NPRL3: variants seen among roughly 807,000 people sequenced by gnomAD.
NPRL3 encodes NPR3 like, GATOR1 complex subunit.
A neutral mutation model predicts 57.2 loss-of-function variants in NPRL3; 23 were observed. The ratio of observed to expected loss-of-function variants is 0.40; its 90% CI spans 0.29 to 0.57. The LOEUF (loss-of-function observed/expected upper bound fraction) is 0.57, where lower values mean the gene tolerates loss of function less well. NPRL3 is among the 20% of genes least tolerant of loss of function. NPRL3 has a pLI of 0.42. For synonymous variants in NPRL3, 333 were observed against 321.1 expected (o/e 1.04, Z -0.39); for missense variants, 691 against 767.1 (o/e 0.90, Z 1.17).
In NPRL3 at chr16:86,056, G is replaced by A. The variant is rs775038665; in HGVS notation, c.*649C>T. 6 of 341,666 alleles carry A rather than the reference G, an allele frequency of 1.8e-5. No homozygotes were observed. Among genetic ancestry groups the A allele is most frequent in the Non-Finnish European group, 3.1e-5 (6 of 190,874 alleles). The allele number at this position is 341,666 out of a possible 1,614,324, so 21.2% of individuals were successfully genotyped here. ...ACCAGCAAGATGTGCACAGGTGACA[G>A]GGCTTCTCCAGCCTAGCAGGGCCAG... On this transcript the variant is annotated 3_prime_UTR_variant, in exon 14 of 14. Transcript: ENST00000611875.
intron 7 of NPRL3, among the ~76,000 whole-genome samples, chr16:105,441 A>G (rs1427231819): frequency 6.6e-6 from 1 of 152,178 alleles, no homozygotes; most frequent in Non-Finnish European, 1.5e-5. Context: ...GTGGGTTCCA[A>G]ACAGCCTACC....
At position 137,619 on chromosome 16, in the gene NPRL3, G is replaced by A. The variant is rs568505620; in HGVS notation, c.118+531C>T. On this transcript the variant is annotated intron_variant, in intron 2 of 13. Coordinates refer to ENST00000611875, the MANE Select transcript of NPRL3 (RefSeq NM_001077350.3). ...GGCTGGAATCCAGTGGCGCGATCTC[G>A]GTTCACTGAAACCTCCGCCTCCCGG... Among the ~76,000 whole-genome samples the A allele has an allele frequency of 3.7e-3, 560 of 151,498 alleles. 1 individual carries two copies. Among genetic ancestry groups the A allele is most frequent in the Admixed American group, 6.8e-3 (104 of 15,210 alleles).
chr16:101,441 G>A (rs892244361), intron 7 of NPRL3, among the ~76,000 whole-genome samples: 1 of 152,156 alleles, frequency 6.6e-6, no homozygotes, highest in African/African-American at 2.4e-5. Context: ...TCACTACGAC[G>A]GAAAACCTTT....
intron 5 of NPRL3, among the ~76,000 whole-genome samples, chr16:117,090 C>G: frequency 6.6e-6 from 1 of 152,150 alleles, no homozygotes; most frequent in Admixed American, 6.5e-5. Flanking sequence ...CCAGATGCCA[C>G]TGAAGCATAG....
At chr16:105,579 A>G (rs1471402831) in intron 7 of NPRL3, among the ~76,000 whole-genome samples, 5 of 152,198 alleles carry the variant, frequency 3.3e-5, no homozygotes, top group Admixed American at 1.3e-4. Flanking sequence ...AAGGCTCCGC[A>G]CCAAGTACCA....
rs759144182 is a variant in NPRL3, at chr16:86,722, G to C, written c.1693C>G (p.Gln565Glu). The change falls in exon 14 of 14, where the codon CAG becomes GAG. Residue 565 changes from glutamine (Q) to glutamate (E), a missense_variant. Transcript: ENST00000611875. ...GCCTGGGCTCAGGGGAGCAGAGCCT[G>C]GAAGACGGCAATGACAGGGTCCTCG... Reference protein sequence around the residue: ...THEDPVIAVFQALLP With the variant: ...THEDPVIAVFEALLP The C allele has an allele frequency of 1.7e-5, 27 of 1,561,140 alleles. No homozygotes were observed. The South Asian group carries it at 3.2e-4, about 18-fold the overall frequency.
In NPRL3 at chr16:110,518, G is replaced by A. The variant is rs771607158; in HGVS notation, c.629+7C>T. The A allele has an allele frequency of 1.2e-6, 2 of 1,608,770 alleles. No homozygotes were observed. The highest frequency in any genetic ancestry group is 1.7e-5 in the Admixed American group (1 of 59,272). On this transcript the variant is annotated splice_region_variant and intron_variant, in intron 7 of 13. Coordinates refer to ENST00000611875, the MANE Select transcript of NPRL3 (RefSeq NM_001077350.3). ...AGGAGGTTAATAAGCACACCCACCT[G>A]TCTTACCTGTCATAAGCTTCCTTGA...
intron 3 of NPRL3, among the ~76,000 whole-genome samples, chr16:128,498 G>A (rs983647942): frequency 6.6e-6 from 1 of 152,256 alleles, no homozygotes; most frequent in Non-Finnish European, 1.5e-5. Context: ...GCCGGGCGCG[G>A]TGGCTCACGC....
intron 2 of NPRL3, 26 bp from the exon 3 acceptor site, chr16:130,617 G>C: frequency 1.3e-6 from 2 of 1,551,272 alleles, no homozygotes; most frequent in South Asian, 1.2e-5. Context: ...AAGAGGGGAA[G>C]GGCTAAGAAA....
chr16:131,117 C>T lies in NPRL3; in HGVS notation c.119-526G>A, dbSNP rs925047364. ...TAGGAGGCCAAGGTGGGTGGATCAC[C>T]TGAGGTCAGGAGTTCGAAACCAGCC... On this transcript the variant is annotated intron_variant, in intron 2 of 13. Coordinates refer to ENST00000611875, the MANE Select transcript of NPRL3 (RefSeq NM_001077350.3). 1.2e-4 allele frequency among the ~76,000 whole-genome samples: 19 copies of T among 152,322 alleles called. No homozygotes were observed. In the South Asian group the frequency reaches 2.7e-3, roughly 22 times the overall value.
At chr16:93,354 C>G in intron 9 of NPRL3, 29 bp from the exon 10 acceptor site, 1 of 1,457,562 alleles carries the variant, frequency 6.9e-7, no homozygotes, top group South Asian at 1.2e-5. Flanking sequence ...CTGCAAGGAC[C>G]ATGCCTGAGG....
chr16:94,498 C>T (rs1356955913), intron 9 of NPRL3, among the ~76,000 whole-genome samples: 1 of 152,230 alleles, frequency 6.6e-6, no homozygotes, highest in Non-Finnish European at 1.5e-5. Context: ...CCTGTAGTCC[C>T]AGCATTTTGG....
intron 5 of NPRL3, 60 bp from the exon 6 acceptor site, chr16:112,835 G>A: frequency 1.4e-6 from 2 of 1,437,492 alleles, no homozygotes; most frequent in Non-Finnish European, 1.9e-6. Context: ...GCTGGACACA[G>A]TTTAAATGGA....
chr16:87,193 G>A (rs1020022513), intron 13 of NPRL3, among the ~76,000 whole-genome samples: 1 of 152,142 alleles, frequency 6.6e-6, no homozygotes, highest in Non-Finnish European at 1.5e-5. Flanking sequence ...GTGCTACAGT[G>A]AGTCCCACGT....
chr16:130,838 A>C (rs768032430), intron 2 of NPRL3, among the ~76,000 whole-genome samples: 10 of 152,252 alleles, frequency 6.6e-5, no homozygotes, highest in Admixed American at 1.3e-4. Context: ...AAATGCATCA[A>C]GACAGAAAGT....
chr16:130,733 T>C (rs1476836354), intron 2 of NPRL3, 142 bp from the exon 3 acceptor site: 5 of 739,334 alleles, frequency 6.8e-6, no homozygotes, highest in Non-Finnish European at 1.1e-5. Context: ...TAAAAAGGAA[T>C]GAACATGGGT....
At chr16:99,965 AAAAAAAAAAAAAGAAAAAG>A (rs1165454837) in intron 8 of NPRL3, among the ~76,000 whole-genome samples, 14 of 140,922 alleles carry the variant, frequency 9.9e-5, no homozygotes, top group African/African-American at 4.3e-4. Context: ...CCCGCAAAAA[AAAAAAAAAAAAAGAAAAAG>A]AAAAAAAAAA....
rs189005933 is a variant in NPRL3, at chr16:98,316, C to T, written c.768-15G>A. 102 of 1,607,540 alleles carry T rather than the reference C, an allele frequency of 6.3e-5. No homozygotes were observed. Among genetic ancestry groups the T allele is most frequent in the Admixed American group, 3.4e-4 (20 of 59,628 alleles). On this transcript the variant is annotated splice_polypyrimidine_tract_variant and intron_variant, in intron 8 of 13. Transcript: ENST00000611875. ...CATGGTAGGGGCTGCAAAACAATCA[C>T]CTGTCACGGAACACACGAAGTGCAG... is the stretch of plus-strand genomic sequence containing the variant.
intron 3 of NPRL3, among the ~76,000 whole-genome samples, chr16:122,185 C>A (rs1395695566): frequency 6.6e-6 from 1 of 152,218 alleles, no homozygotes; most frequent in African/African-American, 2.4e-5. Context: ...AAACCTCCGC[C>A]TCTTGGGTTC....
Sources: gnomAD v4.1 joint callset for allele counts (sites outside exome capture counted in the v4.1 genomes callset) on GRCh38, gnomAD v4.1.1 for gene constraint, MANE v1.5 for transcripts, NCBI Gene and HGNC (gene_info 2026-07-23, HGNC 2026-07-21) for gene names.